The following CLIP2 variants were observed in gnomAD, a reference collection of about 807,000 sequenced individuals.
The protein encoded by CLIP2 is CAP-Gly domain-containing linker protein 2.
CLIP2 carries 41 observed loss-of-function variants against 111.7 expected under a neutral mutation model. That is an observed-to-expected ratio of 0.37 (90% CI 0.29 to 0.48). The LOEUF is 0.48. Ranked by LOEUF, CLIP2 falls within the 20% of genes least tolerant of loss-of-function variation. CLIP2 has a pLI of 0.99. For missense variants in CLIP2, 1,160 were observed against 1,422.1 expected, an observed-to-expected ratio of 0.82 and a Z score of 2.96; for synonymous variants, 660 against 644.2, an observed-to-expected ratio of 1.02 and a Z score of -0.37.
intron 3 of CLIP2, among the ~76,000 whole-genome samples, chr7:74,339,267 A>G (rs1306297717): frequency 6.6e-6 from 1 of 151,944 alleles, no homozygotes; most frequent in African/African-American, 2.4e-5. Context: ...TCTATCGGTA[A>G]AATGGGATAT....
At chr7:74,384,705 T>C (rs1791038187) in intron 11 of CLIP2, among the ~76,000 whole-genome samples, 1 of 151,780 alleles carries the variant, frequency 6.6e-6, no homozygotes, top group Non-Finnish European at 1.5e-5. Flanking sequence ...CTCGGCCTCC[T>C]GAAGTGCTGG....
At chr7:74,348,789 CAAA>C (rs377752236) in intron 3 of CLIP2, among the ~76,000 whole-genome samples, 1 of 108,396 alleles carries the variant, frequency 9.2e-6, no homozygotes, top group Non-Finnish European at 1.8e-5. Context: ...GACTCTGTCT[CAAA>C]AAAAAAAAAA....
chr7:74,372,933 C>A lies in CLIP2; in HGVS notation c.1382C>A (p.Thr461Asn). 6.8e-7 allele frequency: 1 copy of A among 1,460,460 alleles called. No individual in the cohort carries two copies. The highest frequency in any genetic ancestry group is 9.2e-7 in the Non-Finnish European group (1 of 1,092,768). 90.5% of individuals were successfully genotyped at this position (1,460,460 alleles called of 1,614,324 possible). ...EESITKGDLETQTQLEHARIG... is the reference protein window; with the variant it reads ...EESITKGDLENQTQLEHARIG... Reference sequence around the variant, plus strand: ...CCGTGTCCACCCTGGGTGGACCAGACCCAGACGCAGCTGGAGCACGCGCGC... The same window carrying A: ...CCGTGTCCACCCTGGGTGGACCAGAACCAGACGCAGCTGGAGCACGCGCGC... Residue 461 changes from threonine to asparagine, a missense_variant and splice_region_variant, in exon 9 of 17, where the codon ACC becomes AAC. Around this residue, in one of 5 missense-constraint regions of CLIP2, gnomAD observed 70 missense variants for 114.9 expected, o/e 0.61. Transcript: ENST00000223398.
chr7:74,292,551 T>A lies in CLIP2; in HGVS notation c.-68+2817T>A, dbSNP rs117047573. ...ACAGGCCCATGCCACCAAGACTGGC[T>A]AATTTTTTGTAGTTTTAGTAGAGGC... On this transcript the variant is annotated intron_variant, in intron 1 of 16. Coordinates refer to ENST00000223398, the MANE Select transcript of CLIP2 (RefSeq NM_003388.5). Among the ~76,000 whole-genome samples, 49 of 152,004 alleles carry A rather than the reference T, an allele frequency of 3.2e-4. No homozygotes were observed. In the East Asian group the frequency reaches 9.5e-3, roughly 29 times the overall value.
At chr7:74,306,541 G>A (rs1019669144) in intron 1 of CLIP2, among the ~76,000 whole-genome samples, 55 of 152,212 alleles carry the variant, frequency 3.6e-4, no homozygotes, top group Middle Eastern at 3.4e-3. Flanking sequence ...TTTGGCACCC[G>A]TCCCCCTCCG....
chr7:74,363,161 C>T (rs919568883), intron 7 of CLIP2, among the ~76,000 whole-genome samples: 2 of 152,098 alleles, frequency 1.3e-5, no homozygotes, highest in Non-Finnish European at 2.9e-5. Context: ...TGCGCCACCA[C>T]GCCCCGCTAA....
chr7:74,394,244 T>TC (rs782756622), intron 13 of CLIP2, among the ~76,000 whole-genome samples: 33,157 of 128,552 alleles, frequency 0.26, 4,802 homozygotes, highest in East Asian at 0.46. Context: ...TTTTTCTTCT[T>TC]ATTTTTTTTT....
rs1401795251 is a variant in CLIP2 at position 74,376,564 on chromosome 7, C to G, written c.2163C>G (p.Ala721=). ...ASQHRLELQE[A]QDQRRDAELR... ...AGCACCGGCTGGAGCTGCAGGAGGC[C>G]CAGGACCAGCGCCGGGATGCCGAGC... is the stretch of plus-strand genomic sequence containing the variant. Residue 721 remains alanine, a synonymous_variant, in exon 10 of 17, where the codon GCC becomes GCG. Coordinates refer to ENST00000223398, the MANE Select transcript of CLIP2 (RefSeq NM_003388.5). This position sits in a 1 kb window ranked among gnomAD's most constrained non-coding sequence, Gnocchi z 7.1. The G allele has an allele frequency of 1.9e-6, 3 of 1,608,216 alleles. No homozygotes were observed. The highest frequency in any genetic ancestry group is 2.5e-6 in the Non-Finnish European group (3 of 1,177,954).
chr7:74,405,509 G>GC lies in CLIP2; in HGVS notation c.*1667dup, dbSNP rs1411757489. ...CGGGGAGTCACAGTCAGTCCCCCCG[G>GC]CCCCCCTCCCAGTCCCTGTTGGCTT... is the stretch of plus-strand genomic sequence containing the variant. On this transcript the variant is annotated 3_prime_UTR_variant, in exon 17 of 17. Coordinates refer to ENST00000223398, the MANE Select transcript of CLIP2 (RefSeq NM_003388.5). 1 of 152,966 alleles carries GC rather than the reference G, an allele frequency of 6.5e-6. No homozygotes were observed. Among genetic ancestry groups the GC allele is most frequent in the Admixed American group, 6.6e-5 (1 of 15,258 alleles). The allele number at this position is 152,966 out of a possible 1,614,324, so 9.5% of individuals were successfully genotyped here.
intron 2 of CLIP2, among the ~76,000 whole-genome samples, chr7:74,324,109 C>T (rs1789049267): frequency 1.3e-5 from 2 of 152,194 alleles, no homozygotes; most frequent in African/African-American, 2.4e-5. Flanking sequence ...TCTTCTGCCT[C>T]AGCCTCCCAA....
rs367597906 is a variant in CLIP2, at chr7:74,397,227, C to T, written c.2874C>T (p.Thr958=). 48 of 1,611,904 alleles carry T rather than the reference C, an allele frequency of 3.0e-5. No homozygotes were observed. Among genetic ancestry groups the T allele is most frequent in the Middle Eastern group, 1.7e-4 (1 of 6,038 alleles). Reference sequence around the variant, plus strand: ...TCCGGGGCCTGCGTGAAAAGCTGACCGGGCTGGTATGTGGGGTAGGGGTGG... The same window carrying T: ...TCCGGGGCCTGCGTGAAAAGCTGACTGGGCTGGTATGTGGGGTAGGGGTGG... ...DDIRGLREKL[T]GLDKEKSLSD... is the part of the protein sequence containing the mutation. The change falls in exon 14 of 17, where the codon ACC becomes ACT. Residue 958 remains threonine (T), a synonymous_variant. Coordinates refer to ENST00000223398, the MANE Select transcript of CLIP2 (RefSeq NM_003388.5).
chr7:74,388,795 CA>C (rs75865402), intron 12 of CLIP2: 1,966 of 156,694 alleles, frequency 0.013, no homozygotes, highest in East Asian at 0.022. Context: ...ACTTTGTCTC[CA>C]AAAAAAAAAA....
intron 2 of CLIP2, among the ~76,000 whole-genome samples, chr7:74,322,074 C>A (rs1259375663): frequency 6.6e-6 from 1 of 150,498 alleles, no homozygotes; most frequent in Non-Finnish European, 1.5e-5. Context: ...TGATTGCAAC[C>A]TCTGCCTCCT....
intron 3 of CLIP2, among the ~76,000 whole-genome samples, chr7:74,341,345 G>A (rs1377302011): frequency 1.3e-5 from 2 of 150,258 alleles, no homozygotes; most frequent in Admixed American, 6.7e-5. Context: ...GCACCATCAC[G>A]CCCTGCTAAT....
At chr7:74,295,434 T>C (rs545262598) in intron 1 of CLIP2, among the ~76,000 whole-genome samples, 2 of 152,194 alleles carry the variant, frequency 1.3e-5, no homozygotes, top group Non-Finnish European at 2.9e-5. Context: ...GGGGGAGTTA[T>C]ACTGGCGGCG....
chr7:74,387,375 A>G (rs1554314972), intron 12 of CLIP2, among the ~76,000 whole-genome samples: 1 of 152,020 alleles, frequency 6.6e-6, no homozygotes, highest in Non-Finnish European at 1.5e-5. Context: ...CAGCTTCCTG[A>G]GTAGCTGGGA....
At chr7:74,396,294 G>A (rs1173549508) in intron 13 of CLIP2, among the ~76,000 whole-genome samples, 3 of 152,122 alleles carry the variant, frequency 2.0e-5, no homozygotes, top group African/African-American at 7.2e-5. Flanking sequence ...AGGGGTGGTG[G>A]CTCAAACTTG....
At chr7:74,291,846 C>CCTGCCCA in intron 1 of CLIP2, among the ~76,000 whole-genome samples, 1 of 152,262 alleles carries the variant, frequency 6.6e-6, no homozygotes, top group Admixed American at 6.5e-5. Flanking sequence ...ACCTGGCAGG[C>CCTGCCCA]CTGCCCACGT....
intron 1 of CLIP2, 115 bp from the exon 2 acceptor site, chr7:74,317,365 T>C: frequency 1.6e-6 from 1 of 611,298 alleles, no homozygotes; most frequent in Non-Finnish European, 2.4e-6. Flanking sequence ...ATAGGTTAAA[T>C]CGGGTGTTGC....
Sources: gnomAD v4.1 joint callset for allele counts (sites outside exome capture counted in the v4.1 genomes callset) on GRCh38, gnomAD v4.1.1 for gene constraint, gnomAD v4.1.1 regional missense constraint, Gnocchi (gnomAD v3.1) non-coding constraint, MANE v1.5 for transcripts, NCBI Gene and HGNC (gene_info 2026-07-23, HGNC 2026-07-21) for gene names.